Variants in COL4A3 observed in about 807,000 individuals in gnomAD.
COL4A3 encodes collagen type IV alpha 3 chain.
COL4A3 carries 135 observed loss-of-function variants against 217.4 expected under a neutral mutation model. The observed-to-expected ratio is 0.62, with a 90% confidence interval of 0.54 to 0.72. The LOEUF (loss-of-function observed/expected upper bound fraction) is 0.72. Among genes scored for constraint, COL4A3 ranks in the 30% least tolerant of loss-of-function variants. The pLI is 0.00. For synonymous variants in COL4A3, 690 were observed against 736.3 expected, an observed-to-expected ratio of 0.94 and a Z score of 1.02; for missense variants, 1,868 against 2,119.9, an observed-to-expected ratio of 0.88 and a Z score of 2.33.
At position 227,164,765 on chromosome 2, in the gene COL4A3, G is replaced by A; in HGVS notation, c.39G>A (p.Leu13=). ...CCGCCCCCAGGCCGCAGGTGCTCCT[G>A]CTGCCGCTCCTGCTGGTGCTCCTGG... ...ARTAPRPQVL[L]LPLLLVLLAA... Residue 13 remains leucine, a synonymous_variant, in exon 1 of 52, where the codon CTG becomes CTA. Coordinates refer to ENST00000396578, the MANE Select transcript of COL4A3 (RefSeq NM_000091.5). The surrounding 1 kb of genome is among the most constrained non-coding windows in gnomAD (Gnocchi z 4.8). The A allele has an allele frequency of 6.6e-7, 1 of 1,523,280 alleles. No homozygotes were observed. 94.4% of individuals were successfully genotyped at this position (1,523,280 alleles called of 1,614,324 possible).
At chr2:227,232,991 T>C (rs10169660) in intron 1 of COL4A3, among the ~76,000 whole-genome samples, 48,752 of 152,052 alleles carry the variant, frequency 0.32, 8,255 homozygotes, top group Non-Finnish European at 0.36. Flanking sequence ...CACAAGCATC[T>C]TTTATATTTT....
chr2:227,260,733 T>A (rs1413014807), intron 19 of COL4A3, among the ~76,000 whole-genome samples: 2 of 152,206 alleles, frequency 1.3e-5, no homozygotes, highest in Non-Finnish European at 2.9e-5. Context: ...CAATCTAAGA[T>A]GGAACACCAA....
intron 43 of COL4A3, among the ~76,000 whole-genome samples, chr2:227,299,463 GA>G (rs1388427768): frequency 2.0e-5 from 3 of 152,120 alleles, no homozygotes; most frequent in African/African-American, 4.8e-5. Context: ...TGGCATGGGG[GA>G]AACCACCCCC....
intron 37 of COL4A3, among the ~76,000 whole-genome samples, chr2:227,292,682 A>G (rs1470986625): frequency 7.9e-5 from 12 of 152,234 alleles, no homozygotes; most frequent in Non-Finnish European, 1.5e-5. Context: ...ATGTGCATGC[A>G]TAGCATTTGT....
chr2:227,201,547 C>A (rs2066686007), intron 1 of COL4A3, among the ~76,000 whole-genome samples: 1 of 152,298 alleles, frequency 6.6e-6, no homozygotes, highest in South Asian at 2.1e-4. Flanking sequence ...AGCAATGTAT[C>A]CGTTTCCAGT....
Position 227,266,455 on chromosome 2 carries a change from G to T in COL4A3, c.1354G>T (p.Gly452Ter), listed in dbSNP as rs772958162. The T allele has an allele frequency of 6.2e-7, 1 of 1,614,058 alleles. No individual in the cohort carries two copies. The highest frequency in any genetic ancestry group is 8.5e-7 in the Non-Finnish European group (1 of 1,179,976). The change falls in exon 22 of 52, where the codon GGA becomes TGA. Residue 452 changes from glycine (G) to a stop codon, truncating the protein, a stop_gained. Coordinates refer to ENST00000396578, the MANE Select transcript of COL4A3 (RefSeq NM_000091.5). LOFTEE classifies it high-confidence loss of function. ...TCGCAAGGGTCCACCTGGAGATCAC[G>T]GACTGCCAGGCTATCTAGGGTCTCC... ...VFRKGPPGDH[G>*]LPGYLGSPGI...
chr2:227,172,591 T>C (rs2065528068), intron 1 of COL4A3, among the ~76,000 whole-genome samples: 1 of 141,872 alleles, frequency 7.0e-6, no homozygotes, highest in Non-Finnish European at 1.5e-5. Context: ...CTTTTTTTTT[T>C]TTTTTTTTTT....
chr2:227,298,346 T>C (rs2073126230), intron 42 of COL4A3, among the ~76,000 whole-genome samples: 1 of 149,748 alleles, frequency 6.7e-6, no homozygotes, highest in Non-Finnish European at 1.5e-5. Flanking sequence ...AACAAAACTG[T>C]ATCAAAAAAA....
intron 1 of COL4A3, among the ~76,000 whole-genome samples, chr2:227,180,939 T>C (rs1452432980): frequency 6.6e-6 from 1 of 152,256 alleles, no homozygotes; most frequent in Non-Finnish European, 1.5e-5. Flanking sequence ...TTGCTGCTGG[T>C]ATTTTCTAAT....
intron 48 of COL4A3, 93 bp downstream of exon 48, chr2:227,308,012 A>G (rs2073584564): frequency 9.0e-7 from 1 of 1,113,432 alleles, no homozygotes; most frequent in Admixed American, 1.8e-5. Flanking sequence ...AGTTAAGTGT[A>G]AATAACCTTG....
chr2:227,285,861 G>A (rs930861916), intron 34 of COL4A3, among the ~76,000 whole-genome samples: 1 of 152,076 alleles, frequency 6.6e-6, no homozygotes, highest in African/African-American at 2.4e-5. Context: ...GCATAACCAA[G>A]GGACACAGAT....
intron 1 of COL4A3, among the ~76,000 whole-genome samples, chr2:227,205,108 C>T (rs2067052113): frequency 6.6e-6 from 1 of 152,128 alleles, no homozygotes; most frequent in African/African-American, 2.4e-5. Flanking sequence ...AAAAAATTAG[C>T]ATACTTCTAT....
intron 1 of COL4A3, among the ~76,000 whole-genome samples, chr2:227,204,571 C>T (rs1257322362): frequency 6.6e-6 from 1 of 152,170 alleles, no homozygotes; most frequent in East Asian, 1.9e-4. Context: ...ATTCTAAAGA[C>T]AGGCTAACAG....
At chr2:227,181,959 GTAAATA>G (rs772795966) in intron 1 of COL4A3, among the ~76,000 whole-genome samples, 88 of 152,066 alleles carry the variant, frequency 5.8e-4, no homozygotes, top group Middle Eastern at 3.4e-3. Flanking sequence ...ATTCTATCTT[GTAAATA>G]TAACTAGAAT....
chr2:227,293,357 A>G, intron 38 of COL4A3, 40 bp downstream of exon 38: 2 of 1,610,474 alleles, frequency 1.2e-6, no homozygotes, highest in South Asian at 1.1e-5. Context: ...TGGAAGCATT[A>G]CTCAGAGTAT....
chr2:227,199,251 A>C (rs987612718), intron 1 of COL4A3, among the ~76,000 whole-genome samples: 1 of 152,214 alleles, frequency 6.6e-6, no homozygotes, highest in African/African-American at 2.4e-5. Context: ...TTGCAACCTC[A>C]GTAGTTTTAT....
At position 227,309,227 on chromosome 2, in the gene COL4A3, C is replaced by T. The variant is rs369575989; in HGVS notation, c.4664C>T (p.Ala1555Val). Residue 1555 changes from alanine to valine, a missense_variant, in exon 50 of 52, where the codon GCG (alanine) becomes GTG (valine). Around this residue, in one of 2 missense-constraint regions of COL4A3, gnomAD observed 1,503 missense variants for 1,786.1 expected, o/e 0.84. Coordinates refer to ENST00000396578, the MANE Select transcript of COL4A3 (RefSeq NM_000091.5). The part of the protein sequence containing the change: ...ISRCTVCEGP[A>V]IAIAVHSQTT... ...AGATGCACTGTTTGTGAAGGTCCTG[C>T]GATCGCCATAGCCGTTCACAGCCAA... The T allele has an allele frequency of 4.5e-5, 73 of 1,614,162 alleles. No homozygotes were observed. Among genetic ancestry groups the T allele is most frequent in the African/African-American group, 3.6e-4 (27 of 75,062 alleles).
At chr2:227,305,148 G>C in intron 47 of COL4A3, 65 bp downstream of exon 47, 3 of 1,412,340 alleles carry the variant, frequency 2.1e-6, no homozygotes, top group Non-Finnish European at 3.0e-6. Context: ...AGTCTTGTTC[G>C]AGTGGGTGAC....
Position 227,261,135 on chromosome 2 carries a change from G to A in COL4A3, c.1150+18G>A. 1 of 1,605,096 alleles carries A rather than the reference G, an allele frequency of 6.2e-7. No homozygotes were observed. Among genetic ancestry groups the A allele is most frequent in the Non-Finnish European group, 8.5e-7 (1 of 1,172,170 alleles). ...AAGTCCTGGTATGTCCATGTTTCTT[G>A]GGGTACAAATAGAAATGCTATTACA... On this transcript the variant is annotated intron_variant, in intron 20 of 51. Coordinates refer to ENST00000396578, the MANE Select transcript of COL4A3 (RefSeq NM_000091.5).
Sources: gnomAD v4.1 joint callset for allele counts (sites outside exome capture counted in the v4.1 genomes callset) on GRCh38, gnomAD v4.1.1 for gene constraint, gnomAD v4.1.1 regional missense constraint, Gnocchi (gnomAD v3.1) non-coding constraint, MANE v1.5 for transcripts, NCBI Gene and HGNC (gene_info 2026-07-23, HGNC 2026-07-21) for gene names.